Variants in CHAT observed in about 807,000 individuals in gnomAD.
The protein encoded by CHAT is acetyl CoA:choline O-acetyltransferase.
In CHAT, 61 loss-of-function variants were observed where a neutral mutation model predicts 76.9. The ratio of observed to expected loss-of-function variants is 0.79; its 90% CI spans 0.65 to 0.98. The LOEUF is 0.98. Ranked by LOEUF, CHAT falls within the 50% of genes least tolerant of loss-of-function variation. CHAT has a pLI of 0.00. For synonymous variants in CHAT, 407 were observed against 397.4 expected (o/e 1.02, Z -0.29); for missense variants, 946 against 986.9 (o/e 0.96, Z 0.56).
rs1272115503 is a variant in CHAT, at chr10:49,651,973, T to C, written c.1601T>C (p.Phe534Ser). 1.9e-6 allele frequency: 3 copies of C among 1,614,224 alleles called. No homozygotes were observed. Among genetic ancestry groups the C allele is most frequent in the Non-Finnish European group, 2.5e-6 (3 of 1,180,038 alleles). ...AAGCAGAAATGCAGCCCTGATGCCTTCATCCAGGTGGCCCTCCAGCTGGCC... is the reference window on the plus strand; with the variant it reads ...AAGCAGAAATGCAGCCCTGATGCCTCCATCCAGGTGGCCCTCCAGCTGGCC... Reference protein sequence around the residue: ...IKKQKCSPDAFIQVALQLAFY... With the variant: ...IKKQKCSPDASIQVALQLAFY... The change falls in exon 11 of 15, where the codon TTC becomes TCC. Residue 534 changes from phenylalanine to serine, a missense_variant. Around this residue, in one of 3 missense-constraint regions of CHAT, gnomAD observed 349 missense variants for 393.9 expected, o/e 0.89. Coordinates refer to ENST00000337653, the MANE Select transcript of CHAT (RefSeq NM_020549.5).
In CHAT at chr10:49,627,692, G is replaced by C; in HGVS notation, c.1018G>C (p.Ala340Pro). 1 of 1,614,148 alleles carries C rather than the reference G, an allele frequency of 6.2e-7. No homozygotes were observed. Among genetic ancestry groups the C allele is most frequent in the Non-Finnish European group, 8.5e-7 (1 of 1,179,982 alleles). Residue 340 changes from alanine (A) to proline (P), a missense_variant, in exon 7 of 15, where the codon GCT becomes CCT. By Grantham distance (27) the Ala-to-Pro change is conservative. Coordinates refer to ENST00000337653, the MANE Select transcript of CHAT (RefSeq NM_020549.5). ...FTQLRKIVKM[A>P]SNEDERLPPI... is the part of the protein sequence containing the mutation. ...TCAGTTGAGAAAGATAGTCAAAATG[G>C]CTTCCAACGAGGACGAGCGTTTGCC...
At position 49,665,077 on chromosome 10, in the gene CHAT, C is replaced by T. The variant is rs752234656; in HGVS notation, c.*31C>T. The T allele has an allele frequency of 2.7e-5, 43 of 1,612,334 alleles. No homozygotes were observed. The Admixed American group carries it at 7.0e-4, about 26-fold the overall frequency. ...GCCACTAGGTTTCACCTCCCAAACC[C>T]AGCCTCTAGAACAGCCAGACCCTGC... On this transcript the variant is annotated 3_prime_UTR_variant, in exon 15 of 15. Transcript: ENST00000337653.
upstream of CHAT, chr10:49,613,944 G>A (rs1386215964): frequency 6.4e-6 from 4 of 623,392 alleles, no homozygotes; most frequent in Non-Finnish European, 8.4e-6. Context: ...GGAGGGCAGC[G>A]AGCAGAGACT....
upstream of CHAT, among the ~76,000 whole-genome samples, chr10:49,609,746 G>C (rs1420760389): frequency 2.0e-5 from 3 of 151,636 alleles, no homozygotes; most frequent in Non-Finnish European, 2.9e-5. Context: ...GTGTGTGCAA[G>C]GGGCCAGGGG....
rs77296560 is a variant in CHAT at position 49,619,772 on chromosome 10, G to A, written c.435G>A (p.Thr145=). Residue 145 remains threonine (T), a synonymous_variant, in exon 3 of 15, where the codon ACG becomes ACA. Transcript: ENST00000337653. ...CCCCGCTGCAGCAGACCCTGGCCAC[G>A]TACCTGCAGTGCATGCGACACTTGG... is the stretch of plus-strand genomic sequence containing the variant. ...PVPPLQQTLA[T]YLQCMRHLVS... 238 of 1,613,780 alleles carry A rather than the reference G, an allele frequency of 1.5e-4. No individual in the cohort carries two copies. Among genetic ancestry groups the A allele is most frequent in the Non-Finnish European group, 1.8e-4 (218 of 1,180,030 alleles).
intron 4 of CHAT, among the ~76,000 whole-genome samples, chr10:49,621,630 C>A (rs1419978199): frequency 2.0e-5 from 3 of 152,084 alleles, no homozygotes; most frequent in African/African-American, 4.8e-5. Flanking sequence ...CTGCCCTGTC[C>A]AGACCCAGGG....
rs1296550963 is a variant in CHAT at position 49,649,512 on chromosome 10, C to T, written c.1387C>T (p.Gln463Ter). 9 of 1,613,852 alleles carry T rather than the reference C, an allele frequency of 5.6e-6. No homozygotes were observed. Among genetic ancestry groups the T allele is most frequent in the Non-Finnish European group, 7.6e-6 (9 of 1,180,044 alleles). ...AGGTTGCCTCTGTGCCCGCAGGACG[C>T]AGAGCAGCAGGAAGCTGATCCGAGC... ...CTEHLLKHVT[Q>*]SSRKLIRADS... Residue 463 changes from glutamine to a stop codon, truncating the protein, a stop_gained, in exon 10 of 15, where the codon CAG (glutamine) becomes TAG (stop). Coordinates refer to ENST00000337653, the MANE Select transcript of CHAT (RefSeq NM_020549.5). LOFTEE classifies it high-confidence loss of function.
At chr10:49,653,747 T>C (rs1839950325) in intron 11 of CHAT, among the ~76,000 whole-genome samples, 1 of 152,214 alleles carries the variant, frequency 6.6e-6, no homozygotes, top group South Asian at 2.1e-4. Context: ...CTTCTGATAC[T>C]CAGAGGGCAT....
chr10:49,617,431 A>G (rs981573103), intron 2 of CHAT, among the ~76,000 whole-genome samples: 2 of 152,156 alleles, frequency 1.3e-5, no homozygotes, highest in Admixed American at 1.3e-4. Context: ...GGAAACATGG[A>G]GTTTTGGAGC....
chr10:49,652,191 GA>G (rs1226420495), intron 11 of CHAT, among the ~76,000 whole-genome samples, 185 bp downstream of exon 11: 4 of 152,174 alleles, frequency 2.6e-5, no homozygotes, highest in Non-Finnish European at 5.9e-5. Context: ...CTCAGAACAA[GA>G]AGGATGTGCC....
At chr10:49,641,153 G>C (rs79222982) in intron 7 of CHAT, among the ~76,000 whole-genome samples, 3,068 of 152,258 alleles carry the variant, frequency 0.02, 119 homozygotes, top group African/African-American at 0.071. Flanking sequence ...CTTCTTATGA[G>C]GACACCAGTT....
At position 49,667,603 on chromosome 10, in the gene CHAT, T is replaced by G. The variant is rs1840364756; in HGVS notation, c.*2557T>G. Reference sequence around the variant, plus strand: ...ACACTGAGCCATGGCCAAGGGCATCTCTGCGGGGACCCTGGGAAAGGAGCC... The same window carrying G: ...ACACTGAGCCATGGCCAAGGGCATCGCTGCGGGGACCCTGGGAAAGGAGCC... On this transcript the variant is annotated 3_prime_UTR_variant, in exon 15 of 15. Transcript: ENST00000337653. Among the ~76,000 whole-genome samples, 1 of 152,192 alleles carries G rather than the reference T, an allele frequency of 6.6e-6. No individual in the cohort carries two copies. The highest frequency in any genetic ancestry group is 6.5e-5 in the Admixed American group (1 of 15,286).
Position 49,646,541 on chromosome 10 carries a change from G to C in CHAT, c.1148G>C (p.Arg383Pro), listed in dbSNP as rs779919147. The change falls in exon 8 of 15, where the codon CGC becomes CCC. Residue 383 changes from arginine (R) to proline (P), a missense_variant. Physicochemically the swap from Arg to Pro is moderately radical, Grantham distance 103. Transcript: ENST00000337653. ...TNRDSLDMIE[R>P]CICLVCLDAP... ...CGGGACTCGCTGGACATGATTGAGC[G>C]CTGCATCTGCCTTGTATGCCTGGAC... is the stretch of plus-strand genomic sequence containing the variant. 4 of 1,614,096 alleles carry C rather than the reference G, an allele frequency of 2.5e-6. No individual in the cohort carries two copies. Among genetic ancestry groups the C allele is most frequent in the African/African-American group, 1.3e-5 (1 of 74,924 alleles).
intron 7 of CHAT, 137 bp downstream of exon 7, chr10:49,627,922 G>A (rs975120912): frequency 4.2e-6 from 4 of 959,564 alleles, no homozygotes; most frequent in Admixed American, 2.1e-5. Context: ...CATGCCCTGC[G>A]GCCAGCCACA....
chr10:49,655,515 A>T, intron 13 of CHAT, 67 bp downstream of exon 13: 1 of 1,496,046 alleles, frequency 6.7e-7, no homozygotes, highest in South Asian at 1.1e-5. Flanking sequence ...CAGAATGGGC[A>T]CCACGGCATA....
At chr10:49,610,686 A>T, upstream of CHAT, 1 of 1,438,896 alleles carries the variant, frequency 6.9e-7, no homozygotes, top group Non-Finnish European at 9.1e-7. Context: ...GCACTGCGGG[A>T]CGCCAGCGCT....
chr10:49,642,299 T>C (rs2377874), intron 7 of CHAT, among the ~76,000 whole-genome samples: 147,377 of 152,340 alleles, frequency 0.97, 71,522 homozygotes, highest in Middle Eastern at 1. Context: ...CTGCCTTACA[T>C]GATAAACTTG....
intron 7 of CHAT, among the ~76,000 whole-genome samples, chr10:49,630,178 G>A (rs1450119993): frequency 2.0e-5 from 3 of 152,110 alleles, no homozygotes; most frequent in Non-Finnish European, 4.4e-5. Flanking sequence ...ATAAATTTGA[G>A]GGACATCAGC....
At chr10:49,654,052 A>G (rs891660294) in intron 11 of CHAT, among the ~76,000 whole-genome samples, 8 of 152,146 alleles carry the variant, frequency 5.3e-5, no homozygotes, top group African/African-American at 1.4e-4. Flanking sequence ...AATAATCACA[A>G]TTGTTTTTAT....
Sources: allele counts gnomAD v4.1 joint callset (sites outside exome capture counted in the v4.1 genomes callset), GRCh38; gene constraint gnomAD v4.1.1; regional missense constraint gnomAD v4.1.1; transcripts MANE v1.5; gene names NCBI Gene and HGNC (gene_info 2026-07-23, HGNC 2026-07-21).